The following SERPINB13 variants were observed in gnomAD, a reference collection of about 807,000 sequenced individuals.
SERPINB13 encodes serpin family B member 13, also known as serpin B13.
Under a neutral mutation model 31.2 loss-of-function variants are expected in SERPINB13, and 26 were observed. That is an observed-to-expected ratio of 0.83 (90% CI 0.61 to 1.15). The LOEUF (loss-of-function observed/expected upper bound fraction) is 1.15, where lower values mean the gene tolerates loss of function less well. Among genes scored for constraint, SERPINB13 ranks in the 50% most tolerant of loss-of-function variants. The pLI is 0.00. For missense variants in SERPINB13, 510 were observed against 469.4 expected, an observed-to-expected ratio of 1.09 and a Z score of -0.80; for synonymous variants, 191 against 172.4, an observed-to-expected ratio of 1.11 and a Z score of -0.85.
intron 5 of SERPINB13, 198 bp from the exon 6 acceptor site, chr18:63,594,157 C>T (rs1407828386): frequency 3.4e-6 from 5 of 1,487,090 alleles, no homozygotes; most frequent in East Asian, 2.8e-5. Flanking sequence ...TTAATTTATC[C>T]ACTGGGATAA....
intron 7 of SERPINB13, among the ~76,000 whole-genome samples, chr18:63,595,941 A>AATAAATAG: frequency 6.8e-6 from 1 of 148,028 alleles, no homozygotes; most frequent in East Asian, 1.9e-4. Context: ...TAAATAAATA[A>AATAAATAG]ATAAATAAAT....
intron 5 of SERPINB13, among the ~76,000 whole-genome samples, chr18:63,593,639 C>A (rs565341497): frequency 8.3e-4 from 126 of 152,210 alleles, no homozygotes; most frequent in Non-Finnish European, 1.3e-3. Context: ...ATAGCTGATA[C>A]TTTAGTGTTA....
chr18:63,588,139 A>G (rs1293219785), intron 1 of SERPINB13, among the ~76,000 whole-genome samples: 2 of 152,208 alleles, frequency 1.3e-5, no homozygotes, highest in African/African-American at 4.8e-5. Context: ...GAATCAATTG[A>G]GAAATAGTAT....
At chr18:63,588,941 G>A in intron 2 of SERPINB13, 109 bp downstream of exon 2, 2 of 1,192,464 alleles carry the variant, frequency 1.7e-6, no homozygotes, top group Non-Finnish European at 1.1e-6. Flanking sequence ...TTGACCTGTG[G>A]ACCAGGAAAC....
Position 63,592,852 on chromosome 18 carries a change from A to T in SERPINB13, c.355-2A>T, listed in dbSNP as rs1447393553. The T allele has an allele frequency of 3.2e-6, 5 of 1,546,668 alleles. No homozygotes were observed. The highest frequency in any genetic ancestry group is 4.4e-6 in the Non-Finnish European group (5 of 1,133,052). ...TTTATTCCTTCCTTGTTTCTCCTAA[A>T]GAAATACTTAGATTATGTTGAAAAA... On this transcript the variant is annotated splice_acceptor_variant, in intron 4 of 7. Transcript: ENST00000344731. LOFTEE classifies it high-confidence loss of function.
rs1912287031 is a variant in SERPINB13, at chr18:63,597,996, G to T, written c.*633G>T. ...GTGTAATAAATGTGGTATTTGAGAAGATAAATGATGTAGTTGATCAGTATT... is the reference window on the plus strand; with the variant it reads ...GTGTAATAAATGTGGTATTTGAGAATATAAATGATGTAGTTGATCAGTATT... On this transcript the variant is annotated 3_prime_UTR_variant, in exon 8 of 8. Coordinates refer to ENST00000344731, the MANE Select transcript of SERPINB13 (RefSeq NM_012397.4). The T allele has an allele frequency of 6.6e-6, 1 of 152,142 alleles. No homozygotes were observed. 9.4% of individuals were successfully genotyped at this position (152,142 alleles called of 1,614,324 possible). A position where few individuals can be genotyped will look rare whatever the true frequency, so the allele number is the denominator to read the frequency against.
At chr18:63,589,775 G>T in intron 3 of SERPINB13, 60 bp downstream of exon 3, 2 of 1,611,990 alleles carry the variant, frequency 1.2e-6, no homozygotes, top group Non-Finnish European at 1.7e-6. Flanking sequence ...CTTCAGTAGA[G>T]TTGCATTTTA....
intron 7 of SERPINB13, among the ~76,000 whole-genome samples, chr18:63,596,358 G>A (rs931633994): frequency 3.9e-5 from 6 of 152,156 alleles, no homozygotes; most frequent in Admixed American, 2.0e-4. Context: ...GAAAAAAGTT[G>A]CCTTTCTGAG....
chr18:63,597,382 A>G lies in SERPINB13; in HGVS notation c.*19A>G. On this transcript the variant is annotated 3_prime_UTR_variant, in exon 8 of 8. Transcript: ENST00000344731. ...TCCTTAAGATGATCGTTGCCATGGCATTGCTGCTTTTAGCAAAAAACAACT... is the reference window on the plus strand; with the variant it reads ...TCCTTAAGATGATCGTTGCCATGGCGTTGCTGCTTTTAGCAAAAAACAACT... 3 of 1,587,164 alleles carry G rather than the reference A, an allele frequency of 1.9e-6. No individual in the cohort carries two copies. The highest frequency in any genetic ancestry group is 2.6e-6 in the Non-Finnish European group (3 of 1,164,150).
intron 7 of SERPINB13, among the ~76,000 whole-genome samples, chr18:63,595,715 C>T (rs947480215): frequency 4.5e-4 from 69 of 151,906 alleles, no homozygotes; most frequent in African/African-American, 1.5e-3. Flanking sequence ...CTGGCTAACA[C>T]GGTGAAACCC....
At position 63,598,817 on chromosome 18, in the gene SERPINB13, C is replaced by G. The variant is rs1486143896; in HGVS notation, c.*1454C>G. On this transcript the variant is annotated 3_prime_UTR_variant, in exon 8 of 8. Transcript: ENST00000344731. ...GGCCATATGAAAAATCAATAGTTAG[C>G]TTTGTAAGAAACAGTCAAACTGTTT... The G allele has an allele frequency of 6.6e-6, 1 of 152,128 alleles. No individual in the cohort carries two copies. Among genetic ancestry groups the G allele is most frequent in the African/African-American group, 2.4e-5 (1 of 41,432 alleles). 9.4% of individuals were successfully genotyped at this position (152,128 alleles called of 1,614,324 possible).
In SERPINB13 at chr18:63,594,386, T is replaced by C. The variant is rs761585476; in HGVS notation, c.504T>C (p.Ser168=). ...EKIKDLFPDG[S]ISSSTKLVLV... ...TCAAGGACTTGTTCCCAGATGGCTC[T>C]ATTAGTAGCTCTACCAAGCTGGTGC... The change falls in exon 6 of 8, where the codon TCT becomes TCC. Residue 168 remains serine, a synonymous_variant. Transcript: ENST00000344731. 13 of 1,614,090 alleles carry C rather than the reference T, an allele frequency of 8.1e-6. No homozygotes were observed. The highest frequency in any genetic ancestry group is 9.3e-6 in the Non-Finnish European group (11 of 1,180,028).
Position 63,597,110 on chromosome 18 carries a change from C to T in SERPINB13, c.923C>T (p.Ala308Val). Residue 308 changes from alanine to valine, a missense_variant, in exon 8 of 8, where the codon GCC becomes GTC. Ala to Val is a moderately conservative substitution (Grantham distance 64). Coordinates refer to ENST00000344731, the MANE Select transcript of SERPINB13 (RefSeq NM_012397.4). ...CTGGCTGCCATGGGGATGGGCGATG[C>T]CTTCAGTGAGCACAAAGCCGACTAC... is the stretch of plus-strand genomic sequence containing the variant. Reference protein sequence around the residue: ...AVLAAMGMGDAFSEHKADYSG... With the variant: ...AVLAAMGMGDVFSEHKADYSG... The T allele has an allele frequency of 6.2e-7, 1 of 1,614,210 alleles. No individual in the cohort carries two copies.
chr18:63,595,505 C>T (rs1912112532), intron 7 of SERPINB13, among the ~76,000 whole-genome samples: 2 of 152,272 alleles, frequency 1.3e-5, no homozygotes, highest in Admixed American at 6.5e-5. Context: ...TGCATATATA[C>T]AACCAGTTCT....
At position 63,596,943 on chromosome 18, in the gene SERPINB13, C is replaced by T; in HGVS notation, c.772-16C>T. 6.3e-7 allele frequency: 1 copy of T among 1,575,828 alleles called. No homozygotes were observed. Among genetic ancestry groups the T allele is most frequent in the Non-Finnish European group, 8.6e-7 (1 of 1,158,432 alleles). On this transcript the variant is annotated splice_polypyrimidine_tract_variant and intron_variant, in intron 7 of 7. Transcript: ENST00000344731. ...TTGATAATCATGCCATTCTACTCTT[C>T]TTTTTTTGAAAATAGATAATAGATA...
In SERPINB13 at chr18:63,588,826, G is replaced by A; in HGVS notation, c.159G>A (p.Leu53=). Residue 53 remains leucine (L), a synonymous_variant, in exon 2 of 8, where the codon TTG becomes TTA. Transcript: ENST00000344731. ...LGTRGATASQ[L]EEVFHSEKET... ...CCCGAGGAGCCACCGCTTCCCAGTT[G>A]GAGGAGGTTGGGCGCAGTCAGGGGG... The A allele has an allele frequency of 6.2e-7, 1 of 1,613,838 alleles. No homozygotes were observed. The highest frequency in any genetic ancestry group is 8.5e-7 in the Non-Finnish European group (1 of 1,179,890).
At chr18:63,594,186 G>A in intron 5 of SERPINB13, 169 bp from the exon 6 acceptor site, 13 of 1,522,676 alleles carry the variant, frequency 8.5e-6, no homozygotes, top group Non-Finnish European at 1.2e-5. Context: ...TGGGCAAAAT[G>A]AGAACCTCCC....
chr18:63,588,599 G>T, intron 1 of SERPINB13, 52 bp from the exon 2 acceptor site: 2 of 1,548,862 alleles, frequency 1.3e-6, no homozygotes, highest in South Asian at 1.1e-5. Context: ...GGATTCCCCT[G>T]ACACAGAGTA....
chr18:63,596,198 G>A (rs1912158561), intron 7 of SERPINB13, among the ~76,000 whole-genome samples: 1 of 152,154 alleles, frequency 6.6e-6, no homozygotes, highest in African/African-American at 2.4e-5. Flanking sequence ...ACTACCAGAT[G>A]CTGTGCTACT....
Sources: allele counts gnomAD v4.1 joint callset (sites outside exome capture counted in the v4.1 genomes callset), GRCh38; gene constraint gnomAD v4.1.1; transcripts MANE v1.5; gene names NCBI Gene and HGNC (gene_info 2026-07-23, HGNC 2026-07-21).